DNAH7: variants seen among roughly 807,000 people sequenced by gnomAD.
DNAH7 encodes the protein dynein axonemal heavy chain 7.
Under a neutral mutation model 444.6 loss-of-function variants are expected in DNAH7, and 397 were observed. That is an observed-to-expected ratio of 0.89 (90% CI 0.82 to 0.97). DNAH7 has a LOEUF of 0.97. Ranked by LOEUF, DNAH7 falls within the 50% of genes least tolerant of loss-of-function variation. The pLI is 0.00. For synonymous variants in DNAH7, 1,636 were observed against 1,624.4 expected (o/e 1.01, Z -0.17); for missense variants, 4,902 against 4,800.8 (o/e 1.02, Z -0.62).
At chr2:195,921,933 A>G (rs1688052490) in intron 24 of DNAH7, among the ~76,000 whole-genome samples, 155 bp downstream of exon 24, 1 of 152,172 alleles carries the variant, frequency 6.6e-6, no homozygotes, top group Non-Finnish European at 1.5e-5. Context: ...GAAAGAGAAA[A>G]CGAAGACAAA....
intron 5 of DNAH7, among the ~76,000 whole-genome samples, chr2:196,033,777 A>G (rs950791712): frequency 1.1e-4 from 17 of 152,204 alleles, no homozygotes; most frequent in African/African-American, 3.1e-4. Context: ...TCTTGAACAT[A>G]CTAATTTCAA....
At chr2:195,801,446 A>G (rs1696450493) in intron 54 of DNAH7, among the ~76,000 whole-genome samples, 1 of 152,196 alleles carries the variant, frequency 6.6e-6, no homozygotes, top group South Asian at 2.1e-4. Flanking sequence ...AAGGGGCTAC[A>G]AAAGCATACC....
intron 61 of DNAH7, among the ~76,000 whole-genome samples, chr2:195,765,861 GC>G (rs1276697896): frequency 6.6e-6 from 1 of 152,056 alleles, no homozygotes; most frequent in African/African-American, 2.4e-5. Flanking sequence ...ATATGATCCA[GC>G]AATCCTACTG....
intron 63 of DNAH7, among the ~76,000 whole-genome samples, chr2:195,742,966 T>C (rs1439436480): frequency 6.6e-6 from 1 of 152,186 alleles, no homozygotes; most frequent in Non-Finnish European, 1.5e-5. Context: ...TCAATTGGAT[T>C]GGGAGAGGCA....
chr2:195,915,237 T>C (rs1687601990), intron 24 of DNAH7, among the ~76,000 whole-genome samples: 1 of 152,158 alleles, frequency 6.6e-6, no homozygotes, highest in Non-Finnish European at 1.5e-5. Context: ...GAGAGATTCG[T>C]AATGTAGGGA....
chr2:195,838,665 C>T (rs1054943177), intron 47 of DNAH7, among the ~76,000 whole-genome samples: 4 of 151,814 alleles, frequency 2.6e-5, no homozygotes, highest in African/African-American at 7.3e-5. Context: ...TAAAACTATA[C>T]GATCCAACTG....
intron 12 of DNAH7, among the ~76,000 whole-genome samples, chr2:195,990,892 TA>T (rs1220276168): frequency 7.4e-6 from 1 of 134,266 alleles, no homozygotes; most frequent in Non-Finnish European, 1.6e-5. Context: ...CATATATACT[TA>T]TATACATATA....
At position 195,812,888 on chromosome 2, in the gene DNAH7, T is replaced by C. The variant is rs555854427; in HGVS notation, c.9762-3017A>G. ...TCATTTCTGTGAGAACTCATTCTCT[T>C]TTTAATTTCTGATTTGGGAGCTAGC... On this transcript the variant is annotated intron_variant, in intron 51 of 64. Transcript: ENST00000312428. 8.5e-5 allele frequency among the ~76,000 whole-genome samples: 13 copies of C among 152,350 alleles called. 1 individual carries two copies. The South Asian group carries it at 2.5e-3, about 29-fold the overall frequency.
chr2:195,995,686 G>T (rs73042566), intron 12 of DNAH7: 13,757 of 201,372 alleles, frequency 0.068, 688 homozygotes, highest in African/African-American at 0.15. Context: ...GAAGATAAAG[G>T]GTGGTGGTGC....
intron 50 of DNAH7, 133 bp from the exon 51 acceptor site, chr2:195,817,096 G>C (rs898504071): frequency 9.2e-6 from 6 of 650,104 alleles, no homozygotes; most frequent in African/African-American, 9.2e-5. Context: ...ATCTGTAATG[G>C]TGATGCCTTA....
In DNAH7 at chr2:195,888,245, T is replaced by C. The variant is rs1054151192; in HGVS notation, c.5406+13A>G. ...CATTTATTTTTTAATCTTAAAATTCTCATTTCCCTTACCTTTGTATGCTTT... is the reference window on the plus strand; with the variant it reads ...CATTTATTTTTTAATCTTAAAATTCCCATTTCCCTTACCTTTGTATGCTTT... On this transcript the variant is annotated intron_variant, in intron 33 of 64. Coordinates refer to ENST00000312428, the MANE Select transcript of DNAH7 (RefSeq NM_018897.3). 1 of 1,585,914 alleles carries C rather than the reference T, an allele frequency of 6.3e-7. No homozygotes were observed. Among genetic ancestry groups the C allele is most frequent in the Non-Finnish European group, 8.6e-7 (1 of 1,169,384 alleles).
intron 24 of DNAH7, among the ~76,000 whole-genome samples, chr2:195,921,166 A>C (rs569531561): frequency 6.6e-6 from 1 of 152,338 alleles, no homozygotes; most frequent in South Asian, 2.1e-4. Flanking sequence ...TCCTTAAAGA[A>C]CTAAAAGTAG....
intron 17 of DNAH7, among the ~76,000 whole-genome samples, chr2:195,962,127 GA>G (rs1691151711): frequency 6.6e-6 from 1 of 152,160 alleles, no homozygotes; most frequent in Admixed American, 6.5e-5. Context: ...GAAGAGAACT[GA>G]AAAGTGTTCG....
intron 21 of DNAH7, among the ~76,000 whole-genome samples, chr2:195,929,514 CA>C (rs1688552750): frequency 6.6e-6 from 1 of 152,206 alleles, no homozygotes; most frequent in South Asian, 2.1e-4. Context: ...GGTATGTGTA[CA>C]AAAACAGGCA....
At chr2:195,873,395 G>A (rs77118575) in intron 39 of DNAH7, among the ~76,000 whole-genome samples, 173 bp downstream of exon 39, 1,684 of 152,230 alleles carry the variant, frequency 0.011, 36 homozygotes, top group East Asian at 0.067. Context: ...AGACCTCTTT[G>A]TGTTATGCTC....
Position 195,895,235 on chromosome 2 carries a change from A to ATGATT in DNAH7, c.4648-16_4648-12dup. 1 of 1,581,736 alleles carries ATGATT rather than the reference A, an allele frequency of 6.3e-7. No individual in the cohort carries two copies. Among genetic ancestry groups the ATGATT allele is most frequent in the Non-Finnish European group, 8.6e-7 (1 of 1,156,546 alleles). ...ATCCGAAGTAATTCCCTGATGATAG[A>ATGATT]TGATTTGAAGGATTTACATTTTATA... is the stretch of plus-strand genomic sequence containing the variant. On this transcript the variant is annotated splice_polypyrimidine_tract_variant and intron_variant, in intron 29 of 64. Coordinates refer to ENST00000312428, the MANE Select transcript of DNAH7 (RefSeq NM_018897.3).
intron 5 of DNAH7, among the ~76,000 whole-genome samples, chr2:196,046,372 A>T (rs1697125073): frequency 6.6e-6 from 1 of 152,120 alleles, no homozygotes; most frequent in African/African-American, 2.4e-5. Flanking sequence ...ACTAAAAATA[A>T]CAGGCACAGG....
chr2:195,835,251 A>G (rs1448694079), intron 47 of DNAH7, among the ~76,000 whole-genome samples: 1 of 152,130 alleles, frequency 6.6e-6, no homozygotes, highest in African/African-American at 2.4e-5. Flanking sequence ...TTCAAAAGTG[A>G]GCAGAGCATG....
intron 24 of DNAH7, among the ~76,000 whole-genome samples, chr2:195,921,720 C>G (rs1186677169): frequency 6.6e-6 from 1 of 152,162 alleles, no homozygotes; most frequent in African/African-American, 2.4e-5. Flanking sequence ...CAAACACCAC[C>G]TGTTCCCCAT....
Sources: allele counts gnomAD v4.1 joint callset (sites outside exome capture counted in the v4.1 genomes callset), GRCh38; gene constraint gnomAD v4.1.1; transcripts MANE v1.5; gene names NCBI Gene and HGNC (gene_info 2026-07-23, HGNC 2026-07-21).